The following TPP1 variants were observed in gnomAD, a reference collection of about 807,000 sequenced individuals.
The protein encoded by TPP1 is tripeptidyl-peptidase 1.
A neutral mutation model predicts 67.6 loss-of-function variants in TPP1; 43 were observed. The observed-to-expected ratio is 0.64, with a 90% CI of 0.50 to 0.82. TPP1 has a LOEUF of 0.82. Ranked by LOEUF, TPP1 falls within the 40% of genes least tolerant of loss-of-function variation. The probability of loss-of-function intolerance (pLI) is 0.00; values close to 1 mark genes in which losing one functional copy is unlikely to be tolerated. For synonymous variants in TPP1, 272 were observed against 281.5 expected (o/e 0.97, Z 0.34); for missense variants, 671 against 710.9 (o/e 0.94, Z 0.64).
In TPP1 at chr11:6,617,644, G is replaced by A. The variant is rs1855606693; in HGVS notation, c.362C>T (p.Thr121Ile). The change falls in exon 4 of 13, where the codon ACT becomes ATT. Residue 121 changes from threonine to isoleucine, a missense_variant. Coordinates refer to ENST00000299427, the MANE Select transcript of TPP1 (RefSeq NM_000391.4). ...CTCTCACCGGATGCTCAGCCAGCAA[G>A]TCAGAAAGTCCTGTGTGATCACAGA... Reference protein sequence around the residue: ...CHSVITQDFLTCWLSIRQAEL... With the variant: ...CHSVITQDFLICWLSIRQAEL... 2 of 1,614,162 alleles carry A rather than the reference G, an allele frequency of 1.2e-6. No homozygotes were observed. Among genetic ancestry groups the A allele is most frequent in the Non-Finnish European group, 1.7e-6 (2 of 1,180,028 alleles).
Position 6,614,514 on chromosome 11 carries a change from G to C in TPP1, c.*32C>G. On this transcript the variant is annotated 3_prime_UTR_variant, in exon 13 of 13. Coordinates refer to ENST00000299427, the MANE Select transcript of TPP1 (RefSeq NM_000391.4). ...GGACTGAACTGCCAGCTTCAGGGCA[G>C]GGGACAAGCCATCTCTCCTGATAGG... 1 of 1,614,052 alleles carries C rather than the reference G, an allele frequency of 6.2e-7. No individual in the cohort carries two copies. Among genetic ancestry groups the C allele is most frequent in the Non-Finnish European group, 8.5e-7 (1 of 1,179,998 alleles).
At chr11:6,615,086 CAG>C (rs1855557770) in intron 11 of TPP1, 83 bp downstream of exon 11, 6 of 1,613,626 alleles carry the variant, frequency 3.7e-6, no homozygotes, top group South Asian at 1.1e-5. Flanking sequence ...TCTAAGGAGT[CAG>C]GGGTTCTAGG....
chr11:6,618,435 C>G (rs1052554192), intron 3 of TPP1: 9 of 524,564 alleles, frequency 1.7e-5, no homozygotes, highest in Non-Finnish European at 2.7e-5. Context: ...CGGAGTTGGT[C>G]GTAACAAAAG....
At chr11:6,615,886 A>T in intron 9 of TPP1, 119 bp downstream of exon 9, 1 of 1,163,962 alleles carries the variant, frequency 8.6e-7, no homozygotes, top group Non-Finnish European at 1.3e-6. Context: ...CAACCAGGGC[A>T]GGCAAAGCTT....
Position 6,617,311 on chromosome 11 carries a change from A to T in TPP1, c.498T>A (p.His166Gln), listed in dbSNP as rs948052106. 2 of 1,613,970 alleles carry T rather than the reference A, an allele frequency of 1.2e-6. No individual in the cohort carries two copies. Among genetic ancestry groups the T allele is most frequent in the Non-Finnish European group, 1.7e-6 (2 of 1,179,976 alleles). Residue 166 changes from histidine (H) to glutamine (Q), a missense_variant, in exon 5 of 13, where the codon CAT becomes CAA. Physicochemically the swap from His to Gln is conservative, Grantham distance 24. Transcript: ENST00000299427. Reference sequence around the variant, plus strand: ...CCCCATAGGTGTTACCAAAGTCCACATGGGGGGCCAAGGCCTGTGGAAGCT... The same window carrying T: ...CCCCATAGGTGTTACCAAAGTCCACTTGGGGGGCCAAGGCCTGTGGAAGCT... Reference protein sequence around the residue: ...PYQLPQALAPHVDFVGGLHRF... With the variant: ...PYQLPQALAPQVDFVGGLHRF...
intron 9 of TPP1, 49 bp from the exon 10 acceptor site, chr11:6,615,611 C>A (rs1855569066): frequency 6.2e-7 from 1 of 1,612,554 alleles, no homozygotes; most frequent in African/African-American, 1.3e-5. Context: ...AAGGGGACCT[C>A]CAAGATATGT....
rs1195787421 is a variant in TPP1 at position 6,619,087 on chromosome 11, A to G, written c.89+109T>C. On this transcript the variant is annotated intron_variant, in intron 2 of 12. Transcript: ENST00000299427. ...AGGCTAGGAACATAGAGATGAAGCT[A>G]TGGAGTGCGTACTAGGAGCTGGCAC... 2.2e-5 allele frequency: 32 copies of G among 1,480,700 alleles called. No homozygotes were observed. In the Admixed American group the frequency reaches 5.8e-4, roughly 27 times the overall value. The allele number at this position is 1,480,700 out of a possible 1,614,324, so 91.7% of individuals were successfully genotyped here.
In TPP1 at chr11:6,614,528, T is replaced by C; in HGVS notation, c.*18A>G. ...GCTTCAGGGCAGGGGACAAGCCATC[T>C]CTCCTGATAGGAAAGGGTCAGGGGT... On this transcript the variant is annotated 3_prime_UTR_variant, in exon 13 of 13. Coordinates refer to ENST00000299427, the MANE Select transcript of TPP1 (RefSeq NM_000391.4). The C allele has an allele frequency of 6.2e-7, 1 of 1,613,968 alleles. No individual in the cohort carries two copies. The highest frequency in any genetic ancestry group is 1.3e-5 in the African/African-American group (1 of 74,952).
chr11:6,616,241 AG>A, intron 8 of TPP1, 73 bp downstream of exon 8: 3 of 1,605,798 alleles, frequency 1.9e-6, no homozygotes, highest in Non-Finnish European at 2.6e-6. Context: ...GACCAGGCTC[AG>A]GGATCACTGT....
intron 5 of TPP1, 29 bp from the exon 6 acceptor site, chr11:6,617,182 T>C (rs1461903079): frequency 6.2e-7 from 1 of 1,613,796 alleles, no homozygotes; most frequent in Non-Finnish European, 8.5e-7. Flanking sequence ...CTTGAGGAGA[T>C]CTTATAGACT....
At chr11:6,617,904 A>G in intron 3 of TPP1, 128 bp from the exon 4 acceptor site, 3 of 1,284,868 alleles carry the variant, frequency 2.3e-6, no homozygotes, top group Non-Finnish European at 3.3e-6. Flanking sequence ...CTATGTGTGC[A>G]GGTGTAGGGT....
In TPP1 at chr11:6,619,409, T is replaced by C; in HGVS notation, c.-9A>G. 6.2e-7 allele frequency: 1 copy of C among 1,614,208 alleles called. No individual in the cohort carries two copies. The highest frequency in any genetic ancestry group is 8.5e-7 in the Non-Finnish European group (1 of 1,180,038). On this transcript the variant is annotated 5_prime_UTR_variant, in exon 1 of 13. Transcript: ENST00000299427. The stretch of plus-strand genomic sequence containing the variant: ...CAGGCTTGGAGTCCCATTCTGCCCT[T>C]CCGCGGATCTGCTGTCATGTGACGG...
chr11:6,615,386 C>A, intron 10 of TPP1, 56 bp downstream of exon 10: 2 of 1,614,092 alleles, frequency 1.2e-6, no homozygotes, highest in East Asian at 4.5e-5. Flanking sequence ...GTCAGCTGAA[C>A]TGAGGATCCC....
chr11:6,615,849 C>A (rs1855572779), intron 9 of TPP1, 156 bp downstream of exon 9: 2 of 894,866 alleles, frequency 2.2e-6, no homozygotes, highest in Non-Finnish European at 3.6e-6. Flanking sequence ...GGCCTGGGAC[C>A]TGCAGGAAGA....
At chr11:6,618,348 G>C (rs933442348) in intron 3 of TPP1, 3 of 376,364 alleles carry the variant, frequency 8.0e-6, no homozygotes, top group African/African-American at 4.2e-5. Flanking sequence ...GGGGAGTACA[G>C]TGAGGGGTGG....
At position 6,614,385 on chromosome 11, in the gene TPP1, T is replaced by C; in HGVS notation, c.*161A>G. 1.1e-6 allele frequency: 1 copy of C among 922,146 alleles called. No individual in the cohort carries two copies. The highest frequency in any genetic ancestry group is 1.7e-6 in the Non-Finnish European group (1 of 598,766). The allele number at this position is 922,146 out of a possible 1,614,324, so 57.1% of individuals were successfully genotyped here. On this transcript the variant is annotated 3_prime_UTR_variant, in exon 13 of 13. Transcript: ENST00000299427. ...TGAGTATGATGGAGCATGGTAGGGT[T>C]GGGAGTCAAGTCAAGCTCACAGCAT... is the stretch of plus-strand genomic sequence containing the variant.
intron 10 of TPP1, 25 bp from the exon 11 acceptor site, chr11:6,615,354 T>C: frequency 6.2e-7 from 1 of 1,614,158 alleles, no homozygotes; most frequent in Non-Finnish European, 8.5e-7. Context: ...TGAGTGAGTA[T>C]TGGCATGTGG....
chr11:6,615,489 T>C lies in TPP1; in HGVS notation c.1219A>G (p.Ile407Val), dbSNP rs775276482. 4.3e-6 allele frequency: 7 copies of C among 1,614,142 alleles called. No individual in the cohort carries two copies. The highest frequency in any genetic ancestry group is 5.9e-6 in the Non-Finnish European group (7 of 1,180,024). Reference protein sequence around the residue: ...FLITNEIVDYISGGGFSNVFP... With the variant: ...FLITNEIVDYVSGGGFSNVFP... ...ACATTGCTGAAGCCACCACCACTGA[T>C]ATAGTCAACAATTTCATTTGTGATG... Residue 407 changes from isoleucine to valine, a missense_variant, in exon 10 of 13, where the codon ATC becomes GTC. By Grantham distance (29) the Ile-to-Val change is conservative (BLOSUM62 3). Transcript: ENST00000299427.
intron 3 of TPP1, 141 bp from the exon 4 acceptor site, chr11:6,617,917 A>G (rs1855611483): frequency 8.6e-7 from 1 of 1,163,550 alleles, no homozygotes; most frequent in South Asian, 1.3e-5. Context: ...TGTAGGGTGT[A>G]CTTGGGAAGC....
Sources: allele counts gnomAD v4.1 joint callset, GRCh38; gene constraint gnomAD v4.1.1; transcripts MANE v1.5; gene names NCBI Gene and HGNC (gene_info 2026-07-23, HGNC 2026-07-21).